Variants in ZEB1 observed in about 807,000 individuals in gnomAD.
ZEB1 encodes zinc finger E-box binding homeobox 1.
Under a neutral mutation model 84.9 loss-of-function variants are expected in ZEB1, and 21 were observed. The observed-to-expected ratio is 0.25, with a 90% CI of 0.18 to 0.36. The LOEUF is 0.36. Ranked by LOEUF, ZEB1 falls within the 10% of genes least tolerant of loss-of-function variation. The pLI is 1.00. For missense variants in ZEB1, 1,104 were observed against 1,330.2 expected (o/e 0.83, Z 2.65); for synonymous variants, 420 against 471.1 (o/e 0.89, Z 1.41).
chr10:31,487,088 C>A (rs1053958529), intron 2 of ZEB1, among the ~76,000 whole-genome samples: 1 of 151,314 alleles, frequency 6.6e-6, no homozygotes, highest in African/African-American at 2.4e-5. Flanking sequence ...GGGTCAGTTT[C>A]TGGACTTTGT....
intron 2 of ZEB1, 86 bp from the exon 3 acceptor site, chr10:31,495,690 A>G (rs2067126431): frequency 7.2e-7 from 1 of 1,388,642 alleles, no homozygotes; most frequent in Non-Finnish European, 1.0e-6. Context: ...GATCAGAGTA[A>G]TTGGGATATC....
intron 1 of ZEB1, among the ~76,000 whole-genome samples, chr10:31,442,707 G>A (rs1327078876): frequency 2.6e-5 from 4 of 152,010 alleles, no homozygotes; most frequent in Non-Finnish European, 4.4e-5. Context: ...GGAAAGAAAC[G>A]AAAAAGAAGC....
chr10:31,479,132 G>A (rs2064705228), intron 2 of ZEB1, among the ~76,000 whole-genome samples: 1 of 151,724 alleles, frequency 6.6e-6, no homozygotes, highest in Non-Finnish European at 1.5e-5. Flanking sequence ...CTAACAGATT[G>A]GATAATCCTG....
At chr10:31,446,040 T>C (rs1270184705) in intron 1 of ZEB1, among the ~76,000 whole-genome samples, 7 of 138,242 alleles carry the variant, frequency 5.1e-5, no homozygotes, top group African/African-American at 1.7e-4. Context: ...TGAATCCATC[T>C]GGTCCTGGAC....
chr10:31,333,031 A>G (rs1313669345), intron 1 of ZEB1, among the ~76,000 whole-genome samples: 1 of 152,176 alleles, frequency 6.6e-6, no homozygotes, highest in Non-Finnish European at 1.5e-5. Context: ...AATTTTATCA[A>G]GTTAAGCTGA....
chr10:31,446,508 G>A (rs900429380), intron 1 of ZEB1, among the ~76,000 whole-genome samples: 1 of 149,490 alleles, frequency 6.7e-6, no homozygotes, highest in Non-Finnish European at 1.5e-5. Flanking sequence ...TGATGTTAGG[G>A]TGTCAATTTT....
At chr10:31,419,605 C>T (rs1341605201) in intron 1 of ZEB1, among the ~76,000 whole-genome samples, 1 of 152,088 alleles carries the variant, frequency 6.6e-6, no homozygotes, top group Non-Finnish European at 1.5e-5. Context: ...ATCACTGCCT[C>T]TGTTGTAACA....
chr10:31,395,898 A>C (rs183748875), intron 1 of ZEB1, among the ~76,000 whole-genome samples: 2 of 152,116 alleles, frequency 1.3e-5, no homozygotes, highest in East Asian at 3.9e-4. Context: ...AGACCACAAA[A>C]TTTGAACTAA....
intron 1 of ZEB1, among the ~76,000 whole-genome samples, chr10:31,365,839 A>G (rs1049923767): frequency 3.3e-5 from 5 of 152,236 alleles, no homozygotes; most frequent in African/African-American, 1.2e-4. Context: ...TTACATGATC[A>G]GCTATATCGA....
At chr10:31,447,900 C>G (rs2060003649) in intron 1 of ZEB1, among the ~76,000 whole-genome samples, 1 of 152,120 alleles carries the variant, frequency 6.6e-6, no homozygotes, top group Admixed American at 6.5e-5. Flanking sequence ...CTTGGAGTTG[C>G]TCTTCTTGAG....
At chr10:31,356,669 T>C (rs2042177789) in intron 1 of ZEB1, among the ~76,000 whole-genome samples, 1 of 152,222 alleles carries the variant, frequency 6.6e-6, no homozygotes, top group Admixed American at 6.5e-5. Flanking sequence ...ATCTTATTTC[T>C]TTCATGTACC....
chr10:31,404,941 A>G (rs2052704451), intron 1 of ZEB1, among the ~76,000 whole-genome samples: 1 of 152,054 alleles, frequency 6.6e-6, no homozygotes. Flanking sequence ...CAACCTGTAC[A>G]GTTACACAAG....
At position 31,423,353 on chromosome 10, in the gene ZEB1, A is replaced by T. The variant is rs371698141; in HGVS notation, c.59-37684A>T. Among the ~76,000 whole-genome samples, 104 of 152,266 alleles carry T rather than the reference A, an allele frequency of 6.8e-4. 2 individuals are homozygous for T. The highest frequency in any genetic ancestry group is 2.4e-3 in the African/African-American group (101 of 41,564). Reference sequence around the variant, plus strand: ...TCTTATGGAAAACAGAACAGAGGTGACTAATTTTTTGTGTGCAGTAAATGT... The same window carrying T: ...TCTTATGGAAAACAGAACAGAGGTGTCTAATTTTTTGTGTGCAGTAAATGT... On this transcript the variant is annotated intron_variant, in intron 1 of 8. Coordinates refer to ENST00000424869, the MANE Select transcript of ZEB1 (RefSeq NM_001174096.2).
At chr10:31,326,121 T>C (rs566312610) in intron 1 of ZEB1, among the ~76,000 whole-genome samples, 1 of 152,272 alleles carries the variant, frequency 6.6e-6, no homozygotes, top group South Asian at 2.1e-4. Flanking sequence ...AAGCTGAAAT[T>C]TAGGGTCTTT....
In ZEB1 at chr10:31,323,963, T is replaced by TTGTGTGTGTGTGTG. The variant is rs1564458960; in HGVS notation, c.58+4671_58+4672insTGTGTGTGTGTGTG. Among the ~76,000 whole-genome samples, 691 of 111,816 alleles carry TTGTGTGTGTGTGTG rather than the reference T, an allele frequency of 6.2e-3. 9 individuals carry two copies. Among genetic ancestry groups the TTGTGTGTGTGTGTG allele is most frequent in the African/African-American group, 0.022 (660 of 30,494 alleles). The allele number at this position is 111,816 out of a possible 152,430, so 73.4% of individuals were successfully genotyped here. On this transcript the variant is annotated intron_variant, in intron 1 of 8. Transcript: ENST00000424869. Reference sequence around the variant, plus strand: ...TCTTATTTTAGGATGTCATGGTTCTTCGTGTGTGTGTGTGTGTGTGTGTGT... The same window carrying TTGTGTGTGTGTGTG: ...TCTTATTTTAGGATGTCATGGTTCTTTGTGTGTGTGTGTGCGTGTGTGTGTGTGTGTGTGTGTGT...
chr10:31,358,209 A>T (rs2042415635), intron 1 of ZEB1: 1 of 152,218 alleles, frequency 6.6e-6, no homozygotes, highest in African/African-American at 2.4e-5. Flanking sequence ...ATAGAAATCC[A>T]ATCATGGATC....
chr10:31,389,926 G>A (rs1384183017), intron 1 of ZEB1, among the ~76,000 whole-genome samples: 1 of 152,008 alleles, frequency 6.6e-6, no homozygotes, highest in Non-Finnish European at 1.5e-5. Flanking sequence ...ATAGCCGCAC[G>A]TGGCTAGTAG....
chr10:31,370,721 T>C (rs1281116082), intron 1 of ZEB1, among the ~76,000 whole-genome samples: 1 of 152,194 alleles, frequency 6.6e-6, no homozygotes, highest in South Asian at 2.1e-4. Flanking sequence ...TTCTAAGGTG[T>C]AACTCTTTCT....
Position 31,461,366 on chromosome 10 carries a change from GTGT to G in ZEB1, c.259+130_259+132del, listed in dbSNP as rs2061795363. 3.2e-6 allele frequency: 3 copies of G among 948,348 alleles called. No individual in the cohort carries two copies. In the South Asian group the frequency reaches 4.7e-5, roughly 15 times the overall value. The allele number at this position is 948,348 out of a possible 1,614,324, so 58.7% of individuals were successfully genotyped here. On this transcript the variant is annotated intron_variant, in intron 2 of 8. Coordinates refer to ENST00000424869, the MANE Select transcript of ZEB1 (RefSeq NM_001174096.2). The stretch of plus-strand genomic sequence containing the variant: ...AAATTTGGCTATCAATAAATATTAG[GTGT>G]CCTACTTACTAAAAAGTGGATTATG...
Sources: gnomAD v4.1 joint callset for allele counts (sites outside exome capture counted in the v4.1 genomes callset) on GRCh38, gnomAD v4.1.1 for gene constraint, MANE v1.5 for transcripts, NCBI Gene and HGNC (gene_info 2026-07-23, HGNC 2026-07-21) for gene names.